POLI: variants seen among roughly 807,000 people sequenced by gnomAD.
The protein encoded by POLI is DNA polymerase iota.
Under a neutral mutation model 51.6 loss-of-function variants are expected in POLI, and 58 were observed. The ratio of observed to expected loss-of-function variants is 1.12; its 90% CI spans 0.91 to 1.40. The LOEUF (loss-of-function observed/expected upper bound fraction) is 1.40, where lower values mean the gene tolerates loss of function less well. Ranked by LOEUF, POLI falls within the 40% of genes most tolerant of loss-of-function variation. POLI has a pLI of 0.00. For missense variants in POLI, 921 were observed against 871.3 expected (o/e 1.06, Z -0.72); for synonymous variants, 322 against 299.7 (o/e 1.07, Z -0.77).
At chr18:54,269,992 C>T (rs979231532) in intron 1 of POLI, 5 of 1,075,878 alleles carry the variant, frequency 4.6e-6, no homozygotes, top group Admixed American at 5.3e-5. Context: ...GGCCTTTTAA[C>T]TTTGGAGAAG....
In POLI at chr18:54,273,848, A is replaced by T. The variant is rs546621151; in HGVS notation, c.242-78A>T. The T allele has an allele frequency of 6.5e-6, 5 of 766,044 alleles. No homozygotes were observed. The South Asian group carries it at 1.8e-4, about 28-fold the overall frequency. 47.5% of individuals were successfully genotyped at this position (766,044 alleles called of 1,614,324 possible). A position where few individuals can be genotyped will look rare whatever the true frequency, so the allele number is the denominator to read the frequency against. ...AACTGATTGTCTTACAATTTAGACA[A>T]ATGTAATACGGAATTAATAATATCT... On this transcript the variant is annotated intron_variant, in intron 2 of 9. Coordinates refer to ENST00000579534, the MANE Select transcript of POLI (RefSeq NM_007195.3).
At chr18:54,292,683 TAC>T in intron 9 of POLI, among the ~76,000 whole-genome samples, 1 of 152,140 alleles carries the variant, frequency 6.6e-6, no homozygotes, top group Non-Finnish European at 1.5e-5. Context: ...CAATTTAAAA[TAC>T]TTTTGTGTTT....
At chr18:54,293,210 CT>C (rs1480787699) in intron 9 of POLI, among the ~76,000 whole-genome samples, 1 of 150,252 alleles carries the variant, frequency 6.7e-6, no homozygotes, top group Non-Finnish European at 1.5e-5. Context: ...TTGTTATAGG[CT>C]TTTTTTTTCT....
At chr18:54,274,751 ATTAC>A (rs1175464724) in intron 3 of POLI, 7 of 152,266 alleles carry the variant, frequency 4.6e-5, no homozygotes, top group South Asian at 2.1e-4. Flanking sequence ...GAAAACCGCA[ATTAC>A]TTAATATATA....
At chr18:54,278,475 G>T (rs1208529476) in intron 4 of POLI, among the ~76,000 whole-genome samples, 1 of 152,156 alleles carries the variant, frequency 6.6e-6, no homozygotes, top group Non-Finnish European at 1.5e-5. Context: ...CCCCTTTGAT[G>T]TGTGTTTTAC....
At chr18:54,308,088 G>A (rs965776867) in intron 3 of POLI, among the ~76,000 whole-genome samples, 3 of 152,124 alleles carry the variant, frequency 2.0e-5, no homozygotes, top group African/African-American at 7.2e-5. Context: ...TCCATTTAAG[G>A]TTAATATTGT....
chr18:54,288,127 T>G (rs1205821602), intron 8 of POLI, among the ~76,000 whole-genome samples: 2 of 152,220 alleles, frequency 1.3e-5, no homozygotes, highest in African/African-American at 4.8e-5. Context: ...CCAAAGTTTG[T>G]GTATTAATTT....
At chr18:54,276,702 T>C (rs1691075588) in intron 3 of POLI, among the ~76,000 whole-genome samples, 1 of 152,212 alleles carries the variant, frequency 6.6e-6, no homozygotes, top group African/African-American at 2.4e-5. Context: ...GTAATAGTTT[T>C]CTCAGGAGTG....
chr18:54,289,040 C>T (rs1403760735), intron 8 of POLI, among the ~76,000 whole-genome samples: 1 of 152,078 alleles, frequency 6.6e-6, no homozygotes, highest in Non-Finnish European at 1.5e-5. Context: ...AACTGAACCT[C>T]ATAGATAATG....
chr18:54,275,993 T>G (rs1445523036), intron 3 of POLI, among the ~76,000 whole-genome samples: 1 of 150,974 alleles, frequency 6.6e-6, no homozygotes, highest in East Asian at 1.9e-4. Flanking sequence ...TTTTTTTTTC[T>G]GTAATTACAG....
intron 3 of POLI, chr18:54,274,980 A>T (rs2087173878): frequency 6.6e-6 from 1 of 152,234 alleles, no homozygotes; most frequent in African/African-American, 2.4e-5. Flanking sequence ...TCTAACAATT[A>T]TAGGGAAAAA....
rs374711216 is a variant in POLI, at chr18:54,283,026, A to T, written c.975+11A>T. On this transcript the variant is annotated intron_variant, in intron 6 of 9. Transcript: ENST00000579534. ...TCAGGACCACCTCAGGTACATGATG[A>T]TACTTATTTTAATTAAGTACTGGTT... 859 of 1,547,078 alleles carry T rather than the reference A, an allele frequency of 5.6e-4. No individual in the cohort carries two copies. The highest frequency in any genetic ancestry group is 7.1e-4 in the Non-Finnish European group (799 of 1,130,056).
Position 54,294,022 on chromosome 18 carries a change from A to G in POLI, c.1778A>G (p.Gln593Arg), listed in dbSNP as rs757159489. The G allele has an allele frequency of 6.2e-7, 1 of 1,613,640 alleles. No homozygotes were observed. The highest frequency in any genetic ancestry group is 8.5e-7 in the Non-Finnish European group (1 of 1,179,686). The change falls in exon 10 of 10, where the codon CAG becomes CGG. Residue 593 changes from glutamine to arginine, a missense_variant. Transcript: ENST00000579534. ...AGAGATCATTTATCCAGTAGCAAAC[A>G]GGTATCCTCTGTATCTCCTTGTGAA... ...NPRDHLSSSKQVSSVSPCEPG... is the reference protein window; with the variant it reads ...NPRDHLSSSKRVSSVSPCEPG...
At chr18:54,276,997 T>G (rs2087274167) in intron 3 of POLI, among the ~76,000 whole-genome samples, 1 of 152,238 alleles carries the variant, frequency 6.6e-6, no homozygotes, top group African/African-American at 2.4e-5. Flanking sequence ...TTTAAAGTTA[T>G]TAGTCTCAAT....
chr18:54,292,146 T>C (rs1436336698), intron 9 of POLI, 108 bp downstream of exon 9: 5 of 695,040 alleles, frequency 7.2e-6, no homozygotes, highest in Non-Finnish European at 1.2e-5. Flanking sequence ...TAGAGATTCT[T>C]TTGGGTGATA....
downstream of POLI, among the ~76,000 whole-genome samples, chr18:54,298,621 C>T (rs560409108): frequency 8.8e-4 from 113 of 128,342 alleles, no homozygotes; most frequent in Non-Finnish European, 1.5e-3. Flanking sequence ...GATGGGGTCT[C>T]GCTCTGTCGC....
chr18:54,282,903 C>T lies in POLI; in HGVS notation c.863C>T (p.Thr288Ile). ...LGINSVRDLQ[T>I]FSPKILEKEL... is the part of the protein sequence containing the mutation. Reference sequence around the variant, plus strand: ...ATCAATAGTGTGCGTGATCTCCAAACCTTTTCACCCAAAATTTTAGAAAAA... The same window carrying T: ...ATCAATAGTGTGCGTGATCTCCAAATCTTTTCACCCAAAATTTTAGAAAAA... The change falls in exon 6 of 10, where the codon ACC becomes ATC. Residue 288 changes from threonine to isoleucine, a missense_variant. Thr to Ile is a moderately conservative substitution (Grantham distance 89). Coordinates refer to ENST00000579534, the MANE Select transcript of POLI (RefSeq NM_007195.3). 1 of 1,592,022 alleles carries T rather than the reference C, an allele frequency of 6.3e-7. No homozygotes were observed. Among genetic ancestry groups the T allele is most frequent in the East Asian group, 2.3e-5 (1 of 44,146 alleles).
rs562695937 is a variant in POLI, at chr18:54,304,245, G to A, written c.334-16028G>A. Among the ~76,000 whole-genome samples, 3 of 152,268 alleles carry A rather than the reference G, an allele frequency of 2.0e-5. No homozygotes were observed. The East Asian group carries it at 5.8e-4, about 29-fold the overall frequency. ...TACATGTGCGTGTGTCTTTATAGTA[G>A]CATGATGTATAATCCTTTGGATATA... On this transcript the variant is annotated intron_variant, in intron 3 of 4. Coordinates refer to the POLI transcript ENST00000579823.
chr18:54,274,916 AACAAAGG>A (rs1384335745), intron 3 of POLI: 2 of 152,216 alleles, frequency 1.3e-5, no homozygotes, highest in East Asian at 3.8e-4. Flanking sequence ...TAAACCTAAT[AACAAAGG>A]ACAAAGGATA....
Sources: allele counts gnomAD v4.1 joint callset (sites outside exome capture counted in the v4.1 genomes callset), GRCh38; gene constraint gnomAD v4.1.1; transcripts MANE v1.5; gene names NCBI Gene and HGNC (gene_info 2026-07-23, HGNC 2026-07-21).